The following ZNF283 variants were observed in gnomAD, a reference collection of about 807,000 sequenced individuals.
ZNF283 encodes zinc finger protein 41.
Under a neutral mutation model 9.2 loss-of-function variants are expected in ZNF283, and 10 were observed. That is an observed-to-expected ratio of 1.09 (90% CI 0.67 to 1.85). The LOEUF (loss-of-function observed/expected upper bound fraction) is 1.85. ZNF283 is among the 40% of genes most tolerant of loss of function. The pLI is 0.00. For synonymous variants in ZNF283, 234 were observed against 244.1 expected (o/e 0.96, Z 0.38); for missense variants, 631 against 760.1 (o/e 0.83, Z 2.00).
intron 6 of ZNF283, among the ~76,000 whole-genome samples, chr19:43,844,095 T>C (rs180825268): frequency 2.6e-5 from 4 of 152,328 alleles, no homozygotes; most frequent in Middle Eastern, 3.4e-3. Flanking sequence ...TCTTTTGTTT[T>C]GTTTTAGAAA....
Position 43,847,613 on chromosome 19 carries a change from G to C in ZNF283, c.1012G>C (p.Glu338Gln). The change falls in exon 7 of 7, where the codon GAG becomes CAG. Residue 338 changes from glutamate to glutamine, a missense_variant. Glu to Gln is a conservative substitution (Grantham distance 29, BLOSUM62 2). Coordinates refer to ENST00000618787, the MANE Select transcript of ZNF283 (RefSeq NM_181845.2). ...FFWGSSLAKH[E>Q]IIHTGEKPYK... ...TTGGGGCTCAAGCCTTGCTAAACAT[G>C]AGATAATTCATACAGGTGAGAAACC... The C allele has an allele frequency of 6.2e-7, 1 of 1,613,058 alleles. No individual in the cohort carries two copies. Among genetic ancestry groups the C allele is most frequent in the Non-Finnish European group, 8.5e-7 (1 of 1,179,620 alleles).
chr19:43,835,365 G>A (rs1970925052), intron 4 of ZNF283, 140 bp from the exon 5 acceptor site: 2 of 609,452 alleles, frequency 3.3e-6, no homozygotes, highest in Non-Finnish European at 5.9e-6. Context: ...TTGGGGTTTA[G>A]GTGAAAGTTT....
chr19:43,829,024 C>T (rs1429506958), intron 2 of ZNF283, among the ~76,000 whole-genome samples: 1 of 152,166 alleles, frequency 6.6e-6, no homozygotes, highest in Non-Finnish European at 1.5e-5. Flanking sequence ...GTAACATTTC[C>T]AAGCATGACT....
intron 6 of ZNF283, among the ~76,000 whole-genome samples, chr19:43,840,275 T>G (rs1971148353): frequency 6.6e-6 from 1 of 152,150 alleles, no homozygotes; most frequent in Admixed American, 6.6e-5. Flanking sequence ...AATAGATACT[T>G]CTGGGGAAAG....
rs759097487 is a variant in ZNF283, at chr19:43,848,491, G to C, written c.1890G>C (p.Lys630Asn). 1.9e-6 allele frequency: 3 copies of C among 1,613,438 alleles called. No homozygotes were observed. The African/African-American group carries it at 4.0e-5, about 22-fold the overall frequency. The change falls in exon 7 of 7, where the codon AAG (lysine) becomes AAC (asparagine). Residue 630 changes from lysine (K) to asparagine (N), a missense_variant. Transcript: ENST00000618787. ...CTGGTGAGAAGCTTTATCAACGTAA[G>C]GAATTCGGGAAGACCTTTACTTGTG... ...FHTGEKLYQR[K>N]EFGKTFTCGS...
intron 2 of ZNF283, among the ~76,000 whole-genome samples, chr19:43,829,449 C>A (rs976253091): frequency 6.6e-6 from 1 of 152,172 alleles, no homozygotes; most frequent in Non-Finnish European, 1.5e-5. Flanking sequence ...CAAATCCTGG[C>A]TCTGCCTGTT....
At chr19:43,838,252 G>A (rs959321681) in intron 6 of ZNF283, among the ~76,000 whole-genome samples, 23 of 152,270 alleles carry the variant, frequency 1.5e-4, no homozygotes, top group Admixed American at 1.0e-3. Flanking sequence ...TTAAGGTAGC[G>A]TCTGCTGGCT....
Position 43,848,261 on chromosome 19 carries a change from C to T in ZNF283, c.1660C>T (p.Arg554Cys), listed in dbSNP as rs765983937. ...ECKECGKAFS[R>C]GYHLTQHQKI... ...TAAAGAATGTGGGAAGGCTTTTAGT[C>T]GTGGCTATCACCTTACTCAACATCA... Residue 554 changes from arginine (R) to cysteine (C), a missense_variant, in exon 7 of 7, where the codon CGT (arginine) becomes TGT (cysteine). By Grantham distance (180) the Arg-to-Cys change is radical (BLOSUM62 -3). This residue lies in a region of ZNF283 where 444 missense variants were observed against 522.5 expected (regional missense o/e 0.85). Transcript: ENST00000618787. 1.1e-5 allele frequency: 17 copies of T among 1,612,806 alleles called. No individual in the cohort carries two copies. The highest frequency in any genetic ancestry group is 2.2e-5 in the South Asian group (2 of 91,008).
chr19:43,845,463 G>A (rs1443351326), intron 6 of ZNF283, among the ~76,000 whole-genome samples: 2 of 152,038 alleles, frequency 1.3e-5, no homozygotes, highest in African/African-American at 4.8e-5. Flanking sequence ...CAATAGTTGT[G>A]ACTAATTAAT....
chr19:43,837,992 C>G (rs944275741), intron 6 of ZNF283: 1 of 152,204 alleles, frequency 6.6e-6, no homozygotes, highest in Non-Finnish European at 1.5e-5. Context: ...TAGTCTCTTT[C>G]AGTCTGAAAC....
At chr19:43,830,518 C>A (rs1298727571) in intron 2 of ZNF283, among the ~76,000 whole-genome samples, 1 of 152,042 alleles carries the variant, frequency 6.6e-6, no homozygotes, top group East Asian at 1.9e-4. Flanking sequence ...TCTATAATTT[C>A]ATGAGATTAT....
Position 43,848,625 on chromosome 19 carries a change from C to A in ZNF283, c.2024C>A (p.Thr675Asn). 1 of 1,554,156 alleles carries A rather than the reference C, an allele frequency of 6.4e-7. No individual in the cohort carries two copies. The highest frequency in any genetic ancestry group is 8.7e-7 in the Non-Finnish European group (1 of 1,149,342). Reference protein sequence around the residue: ...WTTYSNEKIDTDETL With the variant: ...WTTYSNEKIDNDETL ...ACTTACTCAAATGAGAAAATTGATA[C>A]TGATGAAACCTTATGATTGAAAGTT... is the stretch of plus-strand genomic sequence containing the variant. The change falls in exon 7 of 7, where the codon ACT becomes AAT. Residue 675 changes from threonine to asparagine, a missense_variant. Thr to Asn is a moderately conservative substitution (Grantham distance 65, BLOSUM62 0). Transcript: ENST00000618787.
intron 6 of ZNF283, among the ~76,000 whole-genome samples, chr19:43,841,917 T>A (rs1158647889): frequency 1.3e-5 from 2 of 152,218 alleles, no homozygotes; most frequent in African/African-American, 4.8e-5. Flanking sequence ...ATTAAGTTTT[T>A]TCTTTATTTT....
At position 43,840,713 on chromosome 19, in the gene ZNF283, T is replaced by C. The variant is rs1179426823; in HGVS notation, c.337+3534T>C. 2.0e-5 allele frequency: 3 copies of C among 151,704 alleles called. No homozygotes were observed. In the Admixed American group the frequency reaches 2.0e-4, roughly 10 times the overall value. 9.4% of individuals were successfully genotyped at this position (151,704 alleles called of 1,614,324 possible). A position where few individuals can be genotyped will look rare whatever the true frequency, so the allele number is the denominator to read the frequency against. ...TCTCTTTTTTTTTTTTGAGATGGAG[T>C]CTTGCTCTGTCACCCAGGCTGGAGT... On this transcript the variant is annotated intron_variant, in intron 6 of 6. Transcript: ENST00000618787.
intron 2 of ZNF283, among the ~76,000 whole-genome samples, chr19:43,829,314 G>A (rs1454048673): frequency 2.6e-5 from 4 of 152,160 alleles, no homozygotes; most frequent in Admixed American, 1.3e-4. Flanking sequence ...GAACCCGGGC[G>A]GTGGAGGTTG....
rs779871501 is a variant in ZNF283 at position 43,848,100 on chromosome 19, A to G, written c.1499A>G (p.Tyr500Cys). Residue 500 changes from tyrosine to cysteine, a missense_variant, in exon 7 of 7, where the codon TAT becomes TGT. Coordinates refer to ENST00000618787, the MANE Select transcript of ZNF283 (RefSeq NM_181845.2). ...KECGKTFCSG[Y>C]QLTRHQVFHT... Reference sequence around the variant, plus strand: ...TGCGGAAAGACCTTTTGTAGTGGGTATCAACTTACTCGACATCAGGTATTT... The same window carrying G: ...TGCGGAAAGACCTTTTGTAGTGGGTGTCAACTTACTCGACATCAGGTATTT... The G allele has an allele frequency of 2.5e-6, 4 of 1,613,310 alleles. No individual in the cohort carries two copies. Among genetic ancestry groups the G allele is most frequent in the Non-Finnish European group, 3.4e-6 (4 of 1,179,774 alleles).
At chr19:43,828,506 CA>C (rs1433533655) in intron 2 of ZNF283, among the ~76,000 whole-genome samples, 2 of 151,920 alleles carry the variant, frequency 1.3e-5, no homozygotes, top group Non-Finnish European at 2.9e-5. Context: ...TACTTCAGTG[CA>C]TTATGATGCA....
intron 6 of ZNF283, chr19:43,837,747 A>G (rs1422045753): frequency 6.6e-6 from 1 of 152,386 alleles, no homozygotes; most frequent in Non-Finnish European, 1.5e-5. Flanking sequence ...CAGTCGGGGA[A>G]CGCTTTCTTG....
In ZNF283 at chr19:43,847,654, A is replaced by C. The variant is rs747667251; in HGVS notation, c.1053A>C (p.Glu351Asp). The C allele has an allele frequency of 6.2e-7, 1 of 1,613,758 alleles. No individual in the cohort carries two copies. The highest frequency in any genetic ancestry group is 1.1e-5 in the South Asian group (1 of 91,076). ...GTGAGAAACCTTATAAATGTAAAGA[A>C]TGTGGGAAGGCCTTCAGTCGTGGCT... Reference protein sequence around the residue: ...HTGEKPYKCKECGKAFSRGYQ... With the variant: ...HTGEKPYKCKDCGKAFSRGYQ... The change falls in exon 7 of 7, where the codon GAA becomes GAC. Residue 351 changes from glutamate to aspartate, a missense_variant. By Grantham distance (45) the Glu-to-Asp change is conservative. Transcript: ENST00000618787.
Sources: allele counts gnomAD v4.1 joint callset (sites outside exome capture counted in the v4.1 genomes callset), GRCh38; gene constraint gnomAD v4.1.1; regional missense constraint gnomAD v4.1.1; transcripts MANE v1.5; gene names NCBI Gene and HGNC (gene_info 2026-07-23, HGNC 2026-07-21).